The following OSBPL10 variants were observed in gnomAD, a reference collection of about 807,000 sequenced individuals.
OSBPL10 encodes the protein oxysterol binding protein like 10.
A neutral mutation model predicts 81.7 loss-of-function variants in OSBPL10; 49 were observed. The observed-to-expected ratio is 0.60, with a 90% CI of 0.48 to 0.76. The LOEUF (loss-of-function observed/expected upper bound fraction) is 0.76. Ranked by LOEUF, OSBPL10 falls within the 30% of genes least tolerant of loss-of-function variation. OSBPL10 has a pLI of 0.00. For synonymous variants in OSBPL10, 419 were observed against 383.6 expected (o/e 1.09, Z -1.08); for missense variants, 923 against 987.8 (o/e 0.93, Z 0.88).
At chr3:31,886,671 G>T (rs980561082) in intron 1 of OSBPL10, among the ~76,000 whole-genome samples, 1 of 152,234 alleles carries the variant, frequency 6.6e-6, no homozygotes, top group Non-Finnish European at 1.5e-5. Flanking sequence ...GCCGGATGCG[G>T]TGGATCACGC....
At chr3:31,978,710 A>C (rs1288930795) in intron 1 of OSBPL10, among the ~76,000 whole-genome samples, 1 of 152,250 alleles carries the variant, frequency 6.6e-6, no homozygotes, top group Non-Finnish European at 1.5e-5. Context: ...AAACATAGGC[A>C]GACAGCTATA....
chr3:31,943,967 CAAAAAAAAAAAAA>C (rs55770286), intron 1 of OSBPL10, among the ~76,000 whole-genome samples: 17 of 37,782 alleles, frequency 4.5e-4, no homozygotes, highest in Admixed American at 3.8e-3. Flanking sequence ...GACTCCGTCT[CAAAAAAAAAAAAA>C]AAAAAAAAAA....
At chr3:31,974,717 G>T (rs7634861) in intron 1 of OSBPL10, among the ~76,000 whole-genome samples, 61,503 of 151,988 alleles carry the variant, frequency 0.4, 14,954 homozygotes, top group East Asian at 0.77. Context: ...AGCAGTTACC[G>T]TATGCGGGGA....
At chr3:32,068,204 C>T (rs192686885) in intron 1 of OSBPL10, among the ~76,000 whole-genome samples, 37 of 152,324 alleles carry the variant, frequency 2.4e-4, no homozygotes, top group Non-Finnish European at 3.2e-4. Flanking sequence ...AAAACTCCGG[C>T]GCCAGTCACG....
At chr3:31,743,719 G>A (rs1332061674) in intron 5 of OSBPL10, among the ~76,000 whole-genome samples, 1 of 152,214 alleles carries the variant, frequency 6.6e-6, no homozygotes, top group Non-Finnish European at 1.5e-5. Context: ...GGAACAATCT[G>A]TATGGGTATT....
chr3:31,671,278 G>A (rs80186597), intron 8 of OSBPL10, among the ~76,000 whole-genome samples: 7,671 of 152,272 alleles, frequency 0.05, 251 homozygotes, highest in Non-Finnish European at 0.072. Flanking sequence ...GGGCAAGGTG[G>A]CCAGCACAAT....
At chr3:31,828,597 A>C (rs927199696) in intron 4 of OSBPL10, among the ~76,000 whole-genome samples, 5 of 152,304 alleles carry the variant, frequency 3.3e-5, no homozygotes, top group African/African-American at 1.2e-4. Flanking sequence ...CACTGGGGCT[A>C]TCTTGGCTCA....
At chr3:31,765,496 GTGAA>G (rs67590423) in intron 4 of OSBPL10, among the ~76,000 whole-genome samples, 105,334 of 150,962 alleles carry the variant, frequency 0.7, 37,746 homozygotes, top group East Asian at 0.81. Flanking sequence ...GAGTGAGTGA[GTGAA>G]TGAATGAATG....
intron 4 of OSBPL10, among the ~76,000 whole-genome samples, chr3:31,790,951 G>A (rs1336927239): frequency 6.6e-6 from 1 of 152,182 alleles, no homozygotes; most frequent in Non-Finnish European, 1.5e-5. Context: ...TAAGCCATAT[G>A]CTAGAGGATT....
intron 2 of OSBPL10, among the ~76,000 whole-genome samples, chr3:32,028,404 C>A (rs1699435985): frequency 6.6e-6 from 1 of 152,180 alleles, no homozygotes; most frequent in Non-Finnish European, 1.5e-5. Flanking sequence ...TACCACCCAA[C>A]CCAATTGCTT....
intron 3 of OSBPL10, among the ~76,000 whole-genome samples, chr3:31,855,019 G>GTTTTGT (rs1553633919): frequency 2.6e-5 from 4 of 151,796 alleles, no homozygotes; most frequent in African/African-American, 2.4e-5. Flanking sequence ...GTTTTGTTTT[G>GTTTTGT]TTTTGTTTTT....
At chr3:31,768,826 A>G (rs1422634839) in intron 4 of OSBPL10, among the ~76,000 whole-genome samples, 1 of 152,236 alleles carries the variant, frequency 6.6e-6, no homozygotes, top group Non-Finnish European at 1.5e-5. Flanking sequence ...ATTTTAATCA[A>G]GCTCCATTTA....
intron 4 of OSBPL10, among the ~76,000 whole-genome samples, chr3:31,799,295 T>G (rs1359172898): frequency 7.0e-6 from 1 of 143,514 alleles, no homozygotes; most frequent in East Asian, 2.1e-4. Flanking sequence ...TCACCCCAGC[T>G]ACTTGAGAAG....
At chr3:31,747,140 G>T (rs981325988) in intron 5 of OSBPL10, among the ~76,000 whole-genome samples, 1 of 152,088 alleles carries the variant, frequency 6.6e-6, no homozygotes, top group African/African-American at 2.4e-5. Context: ...TTCTGGACCA[G>T]CCTGACTAAC....
At chr3:31,791,577 G>A (rs1406234704) in intron 4 of OSBPL10, among the ~76,000 whole-genome samples, 1 of 151,934 alleles carries the variant, frequency 6.6e-6, no homozygotes, top group Non-Finnish European at 1.5e-5. Context: ...TAAAACCATA[G>A]CCCCAGTGAA....
chr3:31,996,647 A>C (rs1271010381), intron 2 of OSBPL10, among the ~76,000 whole-genome samples: 2 of 152,322 alleles, frequency 1.3e-5, no homozygotes, highest in Non-Finnish European at 2.9e-5. Flanking sequence ...TTTCAGAAAG[A>C]AGCTGTTGCC....
In OSBPL10 at chr3:32,046,132, C is replaced by T. The variant is rs1032818896; in HGVS notation, n.298+359G>A. 5.9e-5 allele frequency among the ~76,000 whole-genome samples: 9 copies of T among 152,352 alleles called. No individual in the cohort carries two copies. The East Asian group carries it at 1.7e-3, about 29-fold the overall frequency. On this transcript the variant is annotated intron_variant and non_coding_transcript_variant, in intron 2 of 3. Coordinates refer to the OSBPL10 transcript ENST00000479173. ...CAGTTGCTCTCACCTGTAATCCTAG[C>T]ACTTTGGGAGGCCAAGGAGGGAGGA...
intron 8 of OSBPL10, among the ~76,000 whole-genome samples, chr3:31,674,742 G>A (rs1180193305): frequency 1.3e-5 from 2 of 152,204 alleles, no homozygotes; most frequent in African/African-American, 4.8e-5. Context: ...GCCCTCGTCA[G>A]AAGCAGATGC....
chr3:32,017,687 C>T (rs1266855994), intron 2 of OSBPL10, among the ~76,000 whole-genome samples: 2 of 152,126 alleles, frequency 1.3e-5, no homozygotes, highest in East Asian at 1.9e-4. Flanking sequence ...CGCTGTGTTA[C>T]CAATGAACTA....
Sources: allele counts gnomAD v4.1 joint callset (sites outside exome capture counted in the v4.1 genomes callset), GRCh38; gene constraint gnomAD v4.1.1; transcripts MANE v1.5; gene names NCBI Gene and HGNC (gene_info 2026-07-23, HGNC 2026-07-21).